Variants in DNAI1 observed in about 807,000 individuals in gnomAD.
DNAI1 encodes the protein dynein axonemal intermediate chain 1, also known as dynein, axonemal, intermediate polypeptide 1.
DNAI1 carries 67 observed loss-of-function variants against 92.0 expected under a neutral mutation model. The observed-to-expected ratio is 0.73, with a 90% confidence interval of 0.60 to 0.89. DNAI1 has a LOEUF of 0.89. DNAI1 is among the 40% of genes least tolerant of loss of function. The pLI is 0.00. For missense variants in DNAI1, 839 were observed against 866.6 expected, an observed-to-expected ratio of 0.97 and a Z score of 0.40; for synonymous variants, 323 against 319.6, an observed-to-expected ratio of 1.01 and a Z score of -0.11.
chr9:34,517,518 G>C, intron 19 of DNAI1, 51 bp downstream of exon 19: 1 of 1,610,926 alleles, frequency 6.2e-7, no homozygotes, highest in Non-Finnish European at 8.5e-7. Flanking sequence ...TCTCCAGGAG[G>C]GTGGGGATGA....
At position 34,520,649 on chromosome 9, in the gene DNAI1, T is replaced by C. The variant is rs1825262631; in HGVS notation, c.2002-9T>C. 2 of 1,551,030 alleles carry C rather than the reference T, an allele frequency of 1.3e-6. No individual in the cohort carries two copies. Among genetic ancestry groups the C allele is most frequent in the African/African-American group, 2.7e-5 (2 of 72,988 alleles). Reference sequence around the variant, plus strand: ...ATTCCTCCCTCATGTATACTTTCCCTCTCCCCAGGAAAAGAAGGGGCAGGA... The same window carrying C: ...ATTCCTCCCTCATGTATACTTTCCCCCTCCCCAGGAAAAGAAGGGGCAGGA... On this transcript the variant is annotated splice_polypyrimidine_tract_variant and intron_variant, in intron 19 of 19. Coordinates refer to ENST00000242317, the MANE Select transcript of DNAI1 (RefSeq NM_012144.4).
At chr9:34,502,472 G>GC (rs1228491488) in intron 12 of DNAI1, among the ~76,000 whole-genome samples, 1 of 152,302 alleles carries the variant, frequency 6.6e-6, no homozygotes, top group Non-Finnish European at 1.5e-5. Context: ...CAGGTCTGAA[G>GC]CAGGGGTGTA....
At chr9:34,507,322 C>T (rs1323621252) in intron 13 of DNAI1, among the ~76,000 whole-genome samples, 1 of 152,172 alleles carries the variant, frequency 6.6e-6, no homozygotes, top group Non-Finnish European at 1.5e-5. Context: ...GACCAGAAGC[C>T]TTACTGACAA....
Position 34,485,231 on chromosome 9 carries a change from G to A in DNAI1, c.171G>A (p.Leu57=). The change falls in exon 3 of 20, where the codon TTG becomes TTA. Residue 57 remains leucine, a synonymous_variant. Coordinates refer to ENST00000242317, the MANE Select transcript of DNAI1 (RefSeq NM_012144.4). The part of the protein sequence containing the change: ...ATVRPPDQLE[L]TDAELKEEFT... Reference sequence around the variant, plus strand: ...TTAGACCCCCTGACCAGCTGGAGTTGACCGATGCGGTGAGTGAGTAGCCTC... The same window carrying A: ...TTAGACCCCCTGACCAGCTGGAGTTAACCGATGCGGTGAGTGAGTAGCCTC... 2 of 1,614,166 alleles carry A rather than the reference G, an allele frequency of 1.2e-6. No individual in the cohort carries two copies. The highest frequency in any genetic ancestry group is 1.7e-6 in the Non-Finnish European group (2 of 1,180,040).
intron 1 of DNAI1, among the ~76,000 whole-genome samples, chr9:34,470,459 T>C (rs1203379150): frequency 6.6e-6 from 1 of 152,192 alleles, no homozygotes; most frequent in Non-Finnish European, 1.5e-5. Context: ...TCTGTATGAG[T>C]ATCATTATCA....
Position 34,491,297 on chromosome 9 carries a change from A to C in DNAI1, c.622-198A>C. ...TGCTTTCTAGCTTATACTTCTTCTG[A>C]AGGAGGCCAGAATGGACACAATATG... On this transcript the variant is annotated intron_variant, in intron 7 of 19. Transcript: ENST00000242317. The C allele has an allele frequency of 4.6e-6, 3 of 647,860 alleles. No homozygotes were observed. The South Asian group carries it at 5.4e-5, about 12-fold the overall frequency. 40.1% of individuals were successfully genotyped at this position (647,860 alleles called of 1,614,324 possible).
At chr9:34,462,271 A>C (rs887222291) in intron 1 of DNAI1, among the ~76,000 whole-genome samples, 3 of 152,132 alleles carry the variant, frequency 2.0e-5, no homozygotes, top group Non-Finnish European at 4.4e-5. Flanking sequence ...AGTGATATTC[A>C]CACTGTTTAT....
At position 34,506,764 on chromosome 9, in the gene DNAI1, G is replaced by GT. The variant is rs2132076893; in HGVS notation, c.1202dup (p.Gly402ArgfsTer4). 6.2e-7 allele frequency: 1 copy of GT among 1,614,194 alleles called. No individual in the cohort carries two copies. The highest frequency in any genetic ancestry group is 1.3e-5 in the African/African-American group (1 of 75,064). ...CGTGGACCACCCCTACCTGGTGGCAGTAGGCCACTATGACGGCAACGTGGC... is the reference window on the plus strand; with the variant it reads ...CGTGGACCACCCCTACCTGGTGGCAGTTAGGCCACTATGACGGCAACGTGGC... On this transcript the variant is annotated frameshift_variant, in exon 13 of 20. Transcript: ENST00000242317. LOFTEE classifies it high-confidence loss of function.
chr9:34,489,989 C>T (rs1298296685), intron 5 of DNAI1, 23 bp from the exon 6 acceptor site: 1 of 1,613,322 alleles, frequency 6.2e-7, no homozygotes. Context: ...AGACTTTGAA[C>T]TCATTGGCAG....
At chr9:34,488,192 T>C (rs1824510419) in intron 4 of DNAI1, 1 of 223,958 alleles carries the variant, frequency 4.5e-6, no homozygotes, top group African/African-American at 2.4e-5. Flanking sequence ...AATTAGATAG[T>C]ATTAGCCTTC....
chr9:34,505,894 C>A (rs1041593640), intron 12 of DNAI1, among the ~76,000 whole-genome samples: 7 of 152,170 alleles, frequency 4.6e-5, no homozygotes, highest in African/African-American at 1.7e-4. Context: ...AGGGCTGGGA[C>A]TATGTTCATG....
intron 19 of DNAI1, among the ~76,000 whole-genome samples, chr9:34,517,953 C>G (rs915448048): frequency 3.9e-5 from 6 of 152,220 alleles, no homozygotes; most frequent in Admixed American, 2.0e-4. Flanking sequence ...CTATGCAGCC[C>G]TCCTTCTGAG....
intron 8 of DNAI1, among the ~76,000 whole-genome samples, chr9:34,492,511 T>TAGATATAGATATATATATATAGATATAG (rs1564033919): frequency 3.7e-5 from 4 of 109,202 alleles, no homozygotes; most frequent in African/African-American, 1.3e-4. Flanking sequence ...TATATATATA[T>TAGATATAGATATATATATATAGATATAG]ATATATATAT....
intron 1 of DNAI1, among the ~76,000 whole-genome samples, chr9:34,463,175 T>C (rs565762610): frequency 2.0e-4 from 31 of 151,906 alleles, no homozygotes; most frequent in African/African-American, 7.0e-4. Context: ...GGTGAAGGGA[T>C]GGGGATAGGG....
chr9:34,508,633 G>A (rs1564040213), intron 13 of DNAI1, among the ~76,000 whole-genome samples: 2 of 152,116 alleles, frequency 1.3e-5, no homozygotes, highest in African/African-American at 4.8e-5. Flanking sequence ...AGCATCTCTG[G>A]TTGGCCTGAC....
At chr9:34,471,614 CA>C (rs1824135990) in intron 1 of DNAI1, among the ~76,000 whole-genome samples, 1 of 151,692 alleles carries the variant, frequency 6.6e-6, no homozygotes, top group South Asian at 2.1e-4. Context: ...CTAAAAAATA[CA>C]AAAAATTAGC....
intron 9 of DNAI1, among the ~76,000 whole-genome samples, chr9:34,496,052 C>T (rs575190865): frequency 5.9e-5 from 9 of 152,312 alleles, no homozygotes; most frequent in Middle Eastern, 3.4e-3. Context: ...CCATCACCAC[C>T]GGGAACTGGG....
At position 34,485,526 on chromosome 9, in the gene DNAI1, T is replaced by TC. The variant is rs1198561957; in HGVS notation, c.261+13dup. 1 of 1,613,638 alleles carries TC rather than the reference T, an allele frequency of 6.2e-7. No individual in the cohort carries two copies. Among genetic ancestry groups the TC allele is most frequent in the African/African-American group, 1.3e-5 (1 of 74,868 alleles). Reference sequence around the variant, plus strand: ...TCAGGTACAGCTTCAAAGTAAGTCATCCCCTCCTGGGCAGGGGCATCTATA... The same window carrying TC: ...TCAGGTACAGCTTCAAAGTAAGTCATCCCCCTCCTGGGCAGGGGCATCTATA... On this transcript the variant is annotated intron_variant, in intron 4 of 19. Coordinates refer to ENST00000242317, the MANE Select transcript of DNAI1 (RefSeq NM_012144.4).
At chr9:34,479,389 T>G (rs1444556510) in intron 1 of DNAI1, among the ~76,000 whole-genome samples, 1 of 152,218 alleles carries the variant, frequency 6.6e-6, no homozygotes, top group Non-Finnish European at 1.5e-5. Flanking sequence ...CCTGACATTC[T>G]ATCTCCTTTG....
Sources: gnomAD v4.1 joint callset for allele counts (sites outside exome capture counted in the v4.1 genomes callset) on GRCh38, gnomAD v4.1.1 for gene constraint, MANE v1.5 for transcripts, NCBI Gene and HGNC (gene_info 2026-07-23, HGNC 2026-07-21) for gene names.